Variants in LARGE1 observed in about 807,000 individuals in gnomAD.
LARGE1 encodes the protein xylosyl- and glucuronyltransferase LARGE1.
LARGE1 carries 43 observed loss-of-function variants against 87.6 expected under a neutral mutation model. The ratio of observed to expected loss-of-function variants is 0.49; its 90% CI spans 0.38 to 0.63. The LOEUF is 0.63. LARGE1 is among the 30% of genes least tolerant of loss of function. LARGE1 has a pLI of 0.00. For missense variants in LARGE1, 802 were observed against 1,000.2 expected (o/e 0.80, Z 2.67); for synonymous variants, 434 against 394.6 (o/e 1.10, Z -1.18).
the LARGE1 span, among the ~76,000 whole-genome samples, chr22:33,082,365 C>A: frequency 3.9e-5 from 6 of 152,194 alleles, no homozygotes; most frequent in Non-Finnish European, 7.3e-5. Flanking sequence ...TCAGAGGAGT[C>A]ATTTGCTGAT....
At chr22:33,118,867 A>AT in the LARGE1 span, among the ~76,000 whole-genome samples, 6 of 152,078 alleles carry the variant, frequency 3.9e-5, no homozygotes, top group East Asian at 1.9e-4. Context: ...GGGAGAGTTT[A>AT]TTTTTTTCCC....
chr22:33,528,114 G>A (rs1463374972), intron 6 of LARGE1, among the ~76,000 whole-genome samples: 4 of 149,092 alleles, frequency 2.7e-5, no homozygotes, highest in Non-Finnish European at 5.9e-5. Flanking sequence ...TTCAAACTGT[G>A]GGTTCTGGCA....
intron 1 of LARGE1, among the ~76,000 whole-genome samples, chr22:33,876,274 C>T (rs752218677): frequency 1.3e-5 from 2 of 151,980 alleles, no homozygotes; most frequent in African/African-American, 4.8e-5. Context: ...ATAACTCCAA[C>T]CATTGGGATT....
In LARGE1 at chr22:33,816,081, G is replaced by C. The variant is rs191794619; in HGVS notation, c.-82-54523C>G. Among the ~76,000 whole-genome samples the C allele has an allele frequency of 1.3e-3, 196 of 152,250 alleles. 1 individual carries two copies. Among genetic ancestry groups the C allele is most frequent in the Non-Finnish European group, 2.1e-3 (141 of 68,026 alleles). On this transcript the variant is annotated intron_variant, in intron 1 of 14. Coordinates refer to ENST00000397394, the MANE Select transcript of LARGE1 (RefSeq NM_133642.5). ...GGCCTGGTGTTCTGATGCCCACACT[G>C]TTTTTACAAATAAAAAAGGTCTAAG...
chr22:33,183,620 G>GCGCACACA (rs1258347691), intron 11 of LARGE1, among the ~76,000 whole-genome samples: 1 of 137,832 alleles, frequency 7.3e-6, no homozygotes, highest in African/African-American at 2.9e-5. Flanking sequence ...ACACACACAC[G>GCGCACACA]CACACACACA....
chr22:33,697,549 C>A (rs376295079), intron 2 of LARGE1, among the ~76,000 whole-genome samples: 11 of 54,118 alleles, frequency 2.0e-4, no homozygotes, highest in East Asian at 6.4e-4. Flanking sequence ...GACTCTGTCC[C>A]AAAAAAAAAA....
chr22:33,211,984 G>A (rs1034099626), intron 11 of LARGE1, among the ~76,000 whole-genome samples: 3 of 152,218 alleles, frequency 2.0e-5, no homozygotes, highest in Non-Finnish European at 4.4e-5. Context: ...GCAGAAGGAA[G>A]TTTGAAGCTA....
intron 2 of LARGE1, among the ~76,000 whole-genome samples, chr22:33,667,521 A>G (rs2081301918): frequency 6.6e-6 from 1 of 152,242 alleles, no homozygotes; most frequent in African/African-American, 2.4e-5. Context: ...TGTAGGCACT[A>G]CAGCCTGATT....
intron 13 of LARGE1, among the ~76,000 whole-genome samples, chr22:33,282,930 C>T (rs1050365326): frequency 6.6e-6 from 1 of 152,170 alleles, no homozygotes; most frequent in South Asian, 2.1e-4. Context: ...ATAAGCTAAA[C>T]CTTCCTACCC....
chr22:33,883,990 C>T (rs539444525), intron 1 of LARGE1, among the ~76,000 whole-genome samples: 1 of 152,358 alleles, frequency 6.6e-6, no homozygotes, highest in South Asian at 2.1e-4. Flanking sequence ...GGCAGGGACT[C>T]GTGTCCCTTG....
chr22:33,601,499 T>C (rs1329863092), intron 5 of LARGE1, among the ~76,000 whole-genome samples: 2 of 152,136 alleles, frequency 1.3e-5, no homozygotes, highest in Non-Finnish European at 2.9e-5. Context: ...AACTAAAACA[T>C]AGACAGACTA....
intron 9 of LARGE1, among the ~76,000 whole-genome samples, chr22:33,366,444 T>C (rs2064596318): frequency 6.6e-6 from 1 of 152,250 alleles, no homozygotes; most frequent in African/African-American, 2.4e-5. Context: ...TATATGATTA[T>C]TTGGTATTTC....
chr22:33,689,362 T>C (rs570941760), intron 2 of LARGE1, among the ~76,000 whole-genome samples: 125 of 152,250 alleles, frequency 8.2e-4, no homozygotes, highest in Non-Finnish European at 1.4e-3. Context: ...GGAAGCCGCA[T>C]TCAGCGCACT....
At chr22:33,416,925 T>TTTTTTTTTTTTTTTTTA (rs2066518002) in intron 7 of LARGE1, among the ~76,000 whole-genome samples, 1 of 147,340 alleles carries the variant, frequency 6.8e-6, no homozygotes, top group South Asian at 2.2e-4. Flanking sequence ...TTTTTTTTTT[T>TTTTTTTTTTTTTTTTTA]GAGACAGAGT....
chr22:33,184,199 T>G (rs1240387544), intron 11 of LARGE1, among the ~76,000 whole-genome samples: 2 of 149,368 alleles, frequency 1.3e-5, no homozygotes, highest in East Asian at 3.9e-4. Context: ...GAGAGACACA[T>G]GTTGAGCAGG....
At chr22:33,739,989 T>G (rs1002230432) in intron 2 of LARGE1, among the ~76,000 whole-genome samples, 1 of 152,142 alleles carries the variant, frequency 6.6e-6, no homozygotes, top group African/African-American at 2.4e-5. Context: ...TGAGGCACTG[T>G]GTGGTATGAT....
At chr22:33,515,111 G>A (rs1205664028) in intron 6 of LARGE1, among the ~76,000 whole-genome samples, 2 of 150,852 alleles carry the variant, frequency 1.3e-5, no homozygotes, top group Non-Finnish European at 2.9e-5. Context: ...ATTTCAGCAG[G>A]TGTAGCTAAA....
At chr22:33,268,386 A>G (rs781518643), downstream of LARGE1, among the ~76,000 whole-genome samples, 3 of 150,944 alleles carry the variant, frequency 2.0e-5, no homozygotes, top group Non-Finnish European at 4.4e-5. Context: ...CACAAAAAGC[A>G]TTTCAACTGA....
intron 5 of LARGE1, among the ~76,000 whole-genome samples, chr22:33,567,269 T>C (rs2078056030): frequency 6.6e-6 from 1 of 152,192 alleles, no homozygotes; most frequent in Non-Finnish European, 1.5e-5. Context: ...GTTGGTAAAA[T>C]GGAGACGATG....
Sources: gnomAD v4.1 joint callset for allele counts (sites outside exome capture counted in the v4.1 genomes callset) on GRCh38, gnomAD v4.1.1 for gene constraint, MANE v1.5 for transcripts, NCBI Gene and HGNC (gene_info 2026-07-23, HGNC 2026-07-21) for gene names.